ZNF423: variants seen among roughly 807,000 people sequenced by gnomAD.
ZNF423 encodes the protein zinc finger protein 423.
ZNF423 carries 12 observed loss-of-function variants against 95.8 expected under a neutral mutation model. That is an observed-to-expected ratio of 0.13 (90% CI 0.08 to 0.20). The LOEUF (loss-of-function observed/expected upper bound fraction) is 0.20, where lower values mean the gene tolerates loss of function less well. Ranked by LOEUF, ZNF423 falls within the 10% of genes least tolerant of loss-of-function variation. The pLI is 1.00. For synonymous variants in ZNF423, 749 were observed against 711.9 expected, an observed-to-expected ratio of 1.05 and a Z score of -0.83; for missense variants, 1,316 against 1,737.1, an observed-to-expected ratio of 0.76 and a Z score of 4.31.
chr16:49,592,479 C>T (rs1184884598), intron 5 of ZNF423, among the ~76,000 whole-genome samples: 1 of 152,174 alleles, frequency 6.6e-6, no homozygotes, highest in Non-Finnish European at 1.5e-5. Flanking sequence ...CTATTCGACC[C>T]CAGAGTCTTC....
intron 1 of ZNF423, among the ~76,000 whole-genome samples, chr16:49,804,392 G>A (rs539725307): frequency 6.6e-6 from 1 of 152,068 alleles, no homozygotes; most frequent in South Asian, 2.1e-4. Context: ...CAAAAGTAAA[G>A]TTCAGAAAAA....
chr16:49,500,397 C>T lies in ZNF423; in HGVS notation c.3850-9093G>A, dbSNP rs555774670. On this transcript the variant is annotated intron_variant, in intron 7 of 7. Coordinates refer to ENST00000563137, the MANE Select transcript of ZNF423 (RefSeq NM_001379286.1). The stretch of plus-strand genomic sequence containing the variant: ...CACTGATCTTGTCAACCTGTGGCCA[C>T]TGCAAACTCCATTCTAACCACAGCA... Among the ~76,000 whole-genome samples, 9 of 152,332 alleles carry T rather than the reference C, an allele frequency of 5.9e-5. No homozygotes were observed. In the South Asian group the frequency reaches 1.9e-3, roughly 32 times the overall value.
chr16:49,551,464 A>G (rs1006588670), intron 5 of ZNF423, among the ~76,000 whole-genome samples: 11 of 152,200 alleles, frequency 7.2e-5, no homozygotes, highest in African/African-American at 2.4e-4. Flanking sequence ...TTTATGGTCT[A>G]AGCAGAATCA....
chr16:49,669,127 C>T (rs556147190), intron 3 of ZNF423, among the ~76,000 whole-genome samples: 13 of 152,016 alleles, frequency 8.6e-5, no homozygotes, highest in East Asian at 3.9e-4. Flanking sequence ...GTCAGGAGTT[C>T]GAGACCAGCC....
chr16:49,707,761 A>T (rs1352320127), intron 3 of ZNF423, among the ~76,000 whole-genome samples: 2 of 152,182 alleles, frequency 1.3e-5, no homozygotes, highest in African/African-American at 4.8e-5. Flanking sequence ...AAAAAATACT[A>T]GTGCCCTAAG....
intron 3 of ZNF423, among the ~76,000 whole-genome samples, chr16:49,665,144 G>T (rs1178574493): frequency 6.6e-6 from 1 of 152,234 alleles, no homozygotes; most frequent in Non-Finnish European, 1.5e-5. Context: ...AGGCCCAAGG[G>T]GTGGCACTTC....
chr16:49,760,441 T>C (rs551103007), intron 2 of ZNF423, among the ~76,000 whole-genome samples: 15 of 152,282 alleles, frequency 9.9e-5, no homozygotes, highest in African/African-American at 3.1e-4. Flanking sequence ...TTAGGAATCA[T>C]ATTTGCCTTA....
In ZNF423 at chr16:49,736,533, T is replaced by C. The variant is rs576533463; in HGVS notation, c.101-5562A>G. Among the ~76,000 whole-genome samples the C allele has an allele frequency of 4.8e-4, 73 of 152,352 alleles. 1 individual carries two copies. The South Asian group carries it at 0.015, about 32-fold the overall frequency. ...CACTGAATTTTCAGGCCAGTCACAATGGCTTACGCCTGTAATCCTAGCACT... is the reference window on the plus strand; with the variant it reads ...CACTGAATTTTCAGGCCAGTCACAACGGCTTACGCCTGTAATCCTAGCACT... On this transcript the variant is annotated intron_variant, in intron 2 of 7. Coordinates refer to ENST00000563137, the MANE Select transcript of ZNF423 (RefSeq NM_001379286.1).
At chr16:49,685,065 C>T (rs532803346) in intron 3 of ZNF423, among the ~76,000 whole-genome samples, 2 of 152,228 alleles carry the variant, frequency 1.3e-5, no homozygotes, top group East Asian at 1.9e-4. Context: ...ACTGGACAGG[C>T]TGCCCCCATC....
rs115533970 is a variant in ZNF423, at chr16:49,688,617, G to T, written c.301+42154C>A. On this transcript the variant is annotated intron_variant, in intron 3 of 7. Coordinates refer to ENST00000563137, the MANE Select transcript of ZNF423 (RefSeq NM_001379286.1). ...GCCAGGCCAAGGTGACCAAAACAGC[G>T]GTACATTTCAAATGTCTAGTGACTT... is the stretch of plus-strand genomic sequence containing the variant. Among the ~76,000 whole-genome samples the T allele has an allele frequency of 6.3e-3, 964 of 152,254 alleles. 8 individuals are homozygous for T. The highest frequency in any genetic ancestry group is 0.022 in the African/African-American group (917 of 41,532).
At chr16:49,675,209 T>C (rs978766312) in intron 3 of ZNF423, among the ~76,000 whole-genome samples, 4 of 152,192 alleles carry the variant, frequency 2.6e-5, no homozygotes, top group Admixed American at 1.3e-4. Flanking sequence ...CTCTAGCTGT[T>C]GACTCACTCA....
Position 49,730,777 on chromosome 16 carries a change from G to C in ZNF423, c.295C>G (p.Pro99Ala), listed in dbSNP as rs1290786208. The C allele has an allele frequency of 2.5e-5, 41 of 1,614,082 alleles. No individual in the cohort carries two copies. The highest frequency in any genetic ancestry group is 3.5e-5 in the Non-Finnish European group (41 of 1,180,054). ...DLTDHRAHRC[P>A]GDGDDDPQLS... ...TGGGGCTGTTTTGCATTACCTCCAG[G>C]ACAGCGGTGGGCCCGGTGGTCCGTC... The change falls in exon 3 of 8, where the codon CCT becomes GCT. Residue 99 changes from proline to alanine, a missense_variant. Physicochemically the swap from Pro to Ala is conservative, Grantham distance 27. Around this residue, in one of 6 missense-constraint regions of ZNF423, gnomAD observed 155 missense variants for 170.8 expected, o/e 0.91. Transcript: ENST00000563137.
At chr16:49,711,184 T>C (rs1023402171) in intron 3 of ZNF423, 3 of 152,158 alleles carry the variant, frequency 2.0e-5, no homozygotes, top group African/African-American at 7.2e-5. Flanking sequence ...AAGAGAAGGT[T>C]ACAGAGGCTG....
chr16:49,498,847 G>A (rs968313004), intron 7 of ZNF423, among the ~76,000 whole-genome samples: 1 of 152,128 alleles, frequency 6.6e-6, no homozygotes, highest in Non-Finnish European at 1.5e-5. Flanking sequence ...CAGATGGCCT[G>A]TCTTAAAGGC....
Position 49,646,574 on chromosome 16 carries a change from C to CTT in ZNF423, c.302-7702_302-7701dup, listed in dbSNP as rs71380366. 2.0e-4 allele frequency among the ~76,000 whole-genome samples: 24 copies of CTT among 117,996 alleles called. 1 individual carries two copies. Among genetic ancestry groups the CTT allele is most frequent in the South Asian group, 5.5e-4 (2 of 3,610 alleles). The allele number at this position is 117,996 out of a possible 152,430, so 77.4% of individuals were successfully genotyped here. A position where few individuals can be genotyped will look rare whatever the true frequency, so the allele number is the denominator to read the frequency against. Reference sequence around the variant, plus strand: ...TTATGGCACATTTTCTTTTCTTTTTCTTTTTTTTTTTTTTGAGAAGGAGTC... The same window carrying CTT: ...TTATGGCACATTTTCTTTTCTTTTTCTTTTTTTTTTTTTTTTGAGAAGGAGTC... On this transcript the variant is annotated intron_variant, in intron 3 of 7. Coordinates refer to ENST00000563137, the MANE Select transcript of ZNF423 (RefSeq NM_001379286.1).
intron 7 of ZNF423, among the ~76,000 whole-genome samples, chr16:49,504,968 G>A (rs547864534): frequency 1.3e-5 from 2 of 152,316 alleles, no homozygotes; most frequent in East Asian, 3.9e-4. Context: ...AATGCTGCAG[G>A]AAGGAAGTGT....
intron 3 of ZNF423, among the ~76,000 whole-genome samples, chr16:49,726,847 T>A (rs1596929052): frequency 1.4e-5 from 1 of 70,560 alleles, no homozygotes; most frequent in African/African-American, 6.1e-5. Flanking sequence ...AAGACAGAGT[T>A]CCCCCTAGCA....
chr16:49,527,394 C>G (rs1567445017), intron 5 of ZNF423, among the ~76,000 whole-genome samples: 1 of 152,214 alleles, frequency 6.6e-6, no homozygotes, highest in East Asian at 1.9e-4. Context: ...CGCACGTCCT[C>G]CACCTCCCTT....
intron 3 of ZNF423, among the ~76,000 whole-genome samples, chr16:49,690,817 G>A (rs1328616928): frequency 6.6e-6 from 1 of 152,214 alleles, no homozygotes; most frequent in Non-Finnish European, 1.5e-5. Context: ...GAGGATGGGA[G>A]GGGGATGGAG....
Sources: gnomAD v4.1 joint callset for allele counts (sites outside exome capture counted in the v4.1 genomes callset) on GRCh38, gnomAD v4.1.1 for gene constraint, gnomAD v4.1.1 regional missense constraint, MANE v1.5 for transcripts, NCBI Gene and HGNC (gene_info 2026-07-23, HGNC 2026-07-21) for gene names.